MAST4: variants seen among roughly 807,000 people sequenced by gnomAD.
MAST4 encodes the protein microtubule associated serine/threonine kinase family member 4, also known as microtubule-associated serine/threonine-protein kinase 4.
In MAST4, 89 loss-of-function variants were observed where a neutral mutation model predicts 162.7. The observed-to-expected ratio is 0.55, with a 90% confidence interval of 0.46 to 0.65. The LOEUF (loss-of-function observed/expected upper bound fraction) is 0.65. Ranked by LOEUF, MAST4 falls within the 30% of genes least tolerant of loss-of-function variation. The probability of loss-of-function intolerance (pLI) is 0.00; values close to 1 mark genes in which losing one functional copy is unlikely to be tolerated. For synonymous variants in MAST4, 1,479 were observed against 1,361.1 expected (o/e 1.09, Z -1.91); for missense variants, 3,153 against 3,374.0 (o/e 0.93, Z 1.62).
chr5:66,909,381 G>A (rs968987279), intron 4 of MAST4, among the ~76,000 whole-genome samples: 3 of 152,154 alleles, frequency 2.0e-5, no homozygotes, highest in African/African-American at 7.2e-5. Context: ...GGGTAATCAG[G>A]ACACTCCTTG....
At chr5:67,149,090 AG>A (rs1771459291) in intron 23 of MAST4, among the ~76,000 whole-genome samples, 1 of 152,168 alleles carries the variant, frequency 6.6e-6, no homozygotes, top group South Asian at 2.1e-4. Context: ...TCAAAAATAT[AG>A]ATTGTTGAAA....
intron 1 of MAST4, among the ~76,000 whole-genome samples, chr5:66,679,187 T>C (rs1748162311): frequency 6.6e-6 from 1 of 152,128 alleles, no homozygotes; most frequent in Non-Finnish European, 1.5e-5. Context: ...GTGAAAATGA[T>C]GTGAGCCTGG....
intron 4 of MAST4, among the ~76,000 whole-genome samples, chr5:66,905,638 C>T (rs1428557601): frequency 6.6e-6 from 1 of 152,100 alleles, no homozygotes; most frequent in Admixed American, 6.5e-5. Context: ...AACATGTGCC[C>T]AAGGTGGTCA....
At position 66,631,548 on chromosome 5, in the gene MAST4, T is replaced by C. The variant is rs533574015; in HGVS notation, c.363+34530T>C. 5.3e-5 allele frequency among the ~76,000 whole-genome samples: 8 copies of C among 152,052 alleles called. 1 individual carries two copies. Among genetic ancestry groups the C allele is most frequent in the Admixed American group, 2.0e-4 (3 of 15,264 alleles). On this transcript the variant is annotated intron_variant, in intron 1 of 28. Transcript: ENST00000403625. ...GGGAAAACAGAGTTGGGAGAGTGAA[T>C]CATTACGTAATGCCTTTTGTGCGCT...
At chr5:66,852,556 CA>C (rs1759389744) in intron 3 of MAST4, among the ~76,000 whole-genome samples, 1 of 152,186 alleles carries the variant, frequency 6.6e-6, no homozygotes, top group Non-Finnish European at 1.5e-5. Flanking sequence ...TCCTTGGCTT[CA>C]CAATTTGTAC....
chr5:66,721,736 G>C (rs1372962059), intron 1 of MAST4, among the ~76,000 whole-genome samples: 1 of 150,324 alleles, frequency 6.7e-6, no homozygotes. Context: ...TCGAATGCCT[G>C]GTAGGTACCT....
At chr5:67,115,448 A>G (rs377262710) in intron 12 of MAST4, among the ~76,000 whole-genome samples, 15 of 152,314 alleles carry the variant, frequency 9.8e-5, no homozygotes, top group African/African-American at 2.9e-4. Flanking sequence ...TCCTATGGCC[A>G]TCGTATCTTT....
chr5:67,152,307 T>A (rs1438803688), intron 24 of MAST4, among the ~76,000 whole-genome samples: 2 of 152,250 alleles, frequency 1.3e-5, no homozygotes, highest in Non-Finnish European at 2.9e-5. Context: ...TAAGTAAAAA[T>A]GTCACAGCCA....
chr5:66,812,467 T>C (rs1756524525), intron 3 of MAST4, among the ~76,000 whole-genome samples: 1 of 152,132 alleles, frequency 6.6e-6, no homozygotes. Context: ...CTTAGAGAGG[T>C]GGGTTATCTT....
intron 2 of MAST4, among the ~76,000 whole-genome samples, chr5:66,784,994 A>T (rs180861728): frequency 2.6e-5 from 4 of 152,298 alleles, no homozygotes; most frequent in Non-Finnish European, 4.4e-5. Flanking sequence ...CGGGTGGATC[A>T]CTTGAGGCCA....
chr5:66,875,442 A>G (rs1474731727), intron 3 of MAST4, among the ~76,000 whole-genome samples: 1 of 152,256 alleles, frequency 6.6e-6, no homozygotes, highest in Non-Finnish European at 1.5e-5. Context: ...CTTATTAACT[A>G]TGACTTTGAG....
intron 3 of MAST4, among the ~76,000 whole-genome samples, chr5:66,869,232 C>A (rs1299499647): frequency 6.6e-6 from 1 of 152,116 alleles, no homozygotes; most frequent in Non-Finnish European, 1.5e-5. Flanking sequence ...TTCTGATAAA[C>A]CATTAAGTTG....
At chr5:66,919,956 C>G (rs1050318406) in intron 4 of MAST4, among the ~76,000 whole-genome samples, 1 of 113,492 alleles carries the variant, frequency 8.8e-6, no homozygotes, top group Non-Finnish European at 1.8e-5. Context: ...TTCCTTCCTT[C>G]CTTCCTTCCT....
At chr5:67,049,009 A>ACG (rs1561576044) in intron 4 of MAST4, among the ~76,000 whole-genome samples, 1 of 125,430 alleles carries the variant, frequency 8.0e-6, no homozygotes, top group African/African-American at 3.2e-5. Context: ...ATACACACAC[A>ACG]TATATATATA....
chr5:67,160,730 A>G, intron 27 of MAST4, 138 bp downstream of exon 27: 1 of 802,820 alleles, frequency 1.2e-6, no homozygotes. Context: ...ATATATGTAT[A>G]CATTAAAATC....
chr5:66,822,787 C>T (rs944494560), intron 3 of MAST4, among the ~76,000 whole-genome samples: 1 of 152,156 alleles, frequency 6.6e-6, no homozygotes, highest in African/African-American at 2.4e-5. Context: ...GGATCTGACA[C>T]CTTTCACATT....
At chr5:66,997,640 C>T (rs1750821098) in intron 4 of MAST4, among the ~76,000 whole-genome samples, 1 of 151,970 alleles carries the variant, frequency 6.6e-6, no homozygotes, top group South Asian at 2.1e-4. Context: ...GCCACGTTGG[C>T]CAGGCTGGTT....
At chr5:67,095,723 A>T in intron 7 of MAST4, 48 bp downstream of exon 7, 1 of 1,380,320 alleles carries the variant, frequency 7.2e-7, no homozygotes. Context: ...ACAACAACAG[A>T]GCTATTACAC....
At chr5:66,877,511 C>T (rs1761384677) in intron 3 of MAST4, among the ~76,000 whole-genome samples, 1 of 152,126 alleles carries the variant, frequency 6.6e-6, no homozygotes, top group Admixed American at 6.5e-5. Context: ...TGGCTTTAAG[C>T]CCCTGTTCTT....
Sources: allele counts gnomAD v4.1 joint callset (sites outside exome capture counted in the v4.1 genomes callset), GRCh38; gene constraint gnomAD v4.1.1; transcripts MANE v1.5; gene names NCBI Gene and HGNC (gene_info 2026-07-23, HGNC 2026-07-21).